Variants in KCNH1 observed in about 807,000 individuals in gnomAD.
KCNH1 encodes voltage-gated delayed rectifier potassium channel KCNH1.
In KCNH1, 27 loss-of-function variants were observed where a neutral mutation model predicts 69.2. The observed-to-expected ratio is 0.39, with a 90% CI of 0.29 to 0.54. The LOEUF is 0.54. KCNH1 is among the 20% of genes least tolerant of loss of function. The pLI, the probability that KCNH1 is intolerant of heterozygous loss-of-function variation, is 0.68. For missense variants in KCNH1, 798 were observed against 1,261.6 expected, an observed-to-expected ratio of 0.63 and a Z score of 5.57; for synonymous variants, 456 against 487.7, an observed-to-expected ratio of 0.93 and a Z score of 0.86.
chr1:210,864,939 T>C (rs972372494), intron 7 of KCNH1, among the ~76,000 whole-genome samples: 40 of 152,222 alleles, frequency 2.6e-4, no homozygotes, highest in African/African-American at 9.6e-4. Flanking sequence ...GGCCCTTCCA[T>C]GTGGCTCTTT....
chr1:210,761,842 G>A (rs889399942), intron 10 of KCNH1, among the ~76,000 whole-genome samples: 4 of 152,132 alleles, frequency 2.6e-5, no homozygotes, highest in African/African-American at 9.7e-5. Flanking sequence ...GGTAGTCAAT[G>A]CAGAAAAATA....
Position 210,797,765 on chromosome 1 carries a change from C to A in KCNH1, c.1663-5G>T. 1 of 1,607,838 alleles carries A rather than the reference C, an allele frequency of 6.2e-7. No homozygotes were observed. Among genetic ancestry groups the A allele is most frequent in the Non-Finnish European group, 8.5e-7 (1 of 1,175,168 alleles). On this transcript the variant is annotated splice_region_variant and splice_polypyrimidine_tract_variant and intron_variant, in intron 8 of 10. Coordinates refer to ENST00000271751, the MANE Select transcript of KCNH1 (RefSeq NM_172362.3). ...CTTGGGGCAGATCTGCAGGACCTAGCCAGGTACAGAAAAAAACAGTGTGAG... is the reference window on the plus strand; with the variant it reads ...CTTGGGGCAGATCTGCAGGACCTAGACAGGTACAGAAAAAAACAGTGTGAG...
intron 6 of KCNH1, among the ~76,000 whole-genome samples, chr1:210,985,237 C>T (rs1407243440): frequency 6.6e-6 from 1 of 152,142 alleles, no homozygotes; most frequent in Non-Finnish European, 1.5e-5. Context: ...AAACCAGCCC[C>T]TGGATTCACT....
intron 7 of KCNH1, among the ~76,000 whole-genome samples, chr1:210,857,620 A>T (rs1239568256): frequency 6.6e-6 from 1 of 152,198 alleles, no homozygotes; most frequent in Non-Finnish European, 1.5e-5. Context: ...ATATCAATAT[A>T]TGCATTTGTT....
intron 6 of KCNH1, among the ~76,000 whole-genome samples, chr1:210,940,285 G>T (rs1687854215): frequency 6.6e-6 from 1 of 152,186 alleles, no homozygotes; most frequent in Non-Finnish European, 1.5e-5. Flanking sequence ...CCCTTATGTT[G>T]CCTACAATCA....
At chr1:210,724,850 T>C (rs151296691) in intron 10 of KCNH1, among the ~76,000 whole-genome samples, 18 of 152,306 alleles carry the variant, frequency 1.2e-4, no homozygotes, top group African/African-American at 4.3e-4. Flanking sequence ...CTTCAGTTAA[T>C]AGTCCTCATT....
chr1:211,126,496 C>T (rs1176253100), intron 1 of KCNH1, among the ~76,000 whole-genome samples: 6 of 141,292 alleles, frequency 4.2e-5, no homozygotes, highest in Admixed American at 7.3e-5. Flanking sequence ...GGTGACAGAG[C>T]GAGACTCTGT....
chr1:210,932,331 A>T (rs763118628), intron 6 of KCNH1, among the ~76,000 whole-genome samples: 57 of 152,300 alleles, frequency 3.7e-4, no homozygotes, highest in Non-Finnish European at 5.6e-4. Context: ...CCACAAAAAC[A>T]TATGAAAGTA....
At chr1:210,722,357 G>A (rs1397509319) in intron 10 of KCNH1, among the ~76,000 whole-genome samples, 1 of 152,160 alleles carries the variant, frequency 6.6e-6, no homozygotes, top group Non-Finnish European at 1.5e-5. Context: ...TCTGGGCAGT[G>A]AAAACCTCCC....
intron 10 of KCNH1, among the ~76,000 whole-genome samples, chr1:210,736,638 A>G (rs1441049424): frequency 6.6e-6 from 1 of 152,164 alleles, no homozygotes; most frequent in Non-Finnish European, 1.5e-5. Flanking sequence ...TGGGAAACAG[A>G]TACAGAGAAA....
chr1:210,745,158 C>CTACTAAAAATACAAA (rs71134636), intron 10 of KCNH1, among the ~76,000 whole-genome samples: 16 of 150,416 alleles, frequency 1.1e-4, no homozygotes, highest in Admixed American at 2.0e-4. Context: ...GAGTGGAGGT[C>CTACTAAAAATACAAA]ATGCCACTGC....
At chr1:211,053,780 T>C (rs997868573) in intron 5 of KCNH1, among the ~76,000 whole-genome samples, 2 of 152,036 alleles carry the variant, frequency 1.3e-5, no homozygotes, top group African/African-American at 2.4e-5. Context: ...GGGGACCCAA[T>C]GGACTCCCAC....
At chr1:211,006,292 A>AC (rs1306495103) in intron 6 of KCNH1, among the ~76,000 whole-genome samples, 1 of 152,236 alleles carries the variant, frequency 6.6e-6, no homozygotes, top group Non-Finnish European at 1.5e-5. Flanking sequence ...CATTTAAAAA[A>AC]CAACCTAAAT....
intron 10 of KCNH1, among the ~76,000 whole-genome samples, chr1:210,702,091 G>C (rs1681795799): frequency 6.6e-6 from 1 of 152,160 alleles, no homozygotes; most frequent in African/African-American, 2.4e-5. Flanking sequence ...AGTCAGCACT[G>C]TCATTAAGAT....
At chr1:210,808,239 T>A (rs980159899) in intron 7 of KCNH1, among the ~76,000 whole-genome samples, 12 of 152,246 alleles carry the variant, frequency 7.9e-5, no homozygotes, top group African/African-American at 2.9e-4. Context: ...AAAGAGTAGA[T>A]GTGCCTCTTT....
At chr1:210,709,722 AAGAGAGAG>A (rs71831798) in intron 10 of KCNH1, among the ~76,000 whole-genome samples, 6 of 100,104 alleles carry the variant, frequency 6.0e-5, no homozygotes, top group South Asian at 4.4e-4. Flanking sequence ...AGAAAGAAAG[AAGAGAGAG>A]AGAGAGAGAG....
At chr1:210,880,195 A>G (rs1686465613) in intron 7 of KCNH1, among the ~76,000 whole-genome samples, 2 of 152,144 alleles carry the variant, frequency 1.3e-5, no homozygotes, top group Non-Finnish European at 2.9e-5. Context: ...TACAATTCCA[A>G]TGAAAATTCC....
At chr1:210,980,905 T>A (rs777827439) in intron 6 of KCNH1, among the ~76,000 whole-genome samples, 6 of 152,132 alleles carry the variant, frequency 3.9e-5, no homozygotes, top group Non-Finnish European at 7.3e-5. Flanking sequence ...CATATAATGA[T>A]ACTGAGGCTT....
intron 6 of KCNH1, among the ~76,000 whole-genome samples, chr1:210,955,713 T>C (rs1482810076): frequency 3.3e-5 from 5 of 152,198 alleles, no homozygotes; most frequent in Admixed American, 2.0e-4. Flanking sequence ...TGTCTGTTGT[T>C]GGTGTATAGG....
Sources: gnomAD v4.1 joint callset for allele counts (sites outside exome capture counted in the v4.1 genomes callset) on GRCh38, gnomAD v4.1.1 for gene constraint, MANE v1.5 for transcripts, NCBI Gene and HGNC (gene_info 2026-07-23, HGNC 2026-07-21) for gene names.